Variants in BBS2 observed in about 807,000 individuals in gnomAD.
BBS2 encodes BBSome complex member BBS2.
In BBS2, 62 loss-of-function variants were observed where a neutral mutation model predicts 83.0. That is an observed-to-expected ratio of 0.75 (90% CI 0.61 to 0.92). The LOEUF (loss-of-function observed/expected upper bound fraction) is 0.92, where lower values mean the gene tolerates loss of function less well. BBS2 is among the 40% of genes least tolerant of loss of function. The pLI is 0.00. For synonymous variants in BBS2, 303 were observed against 326.1 expected, an observed-to-expected ratio of 0.93 and a Z score of 0.76; for missense variants, 784 against 901.0, an observed-to-expected ratio of 0.87 and a Z score of 1.66.
intron 15 of BBS2, among the ~76,000 whole-genome samples, chr16:56,490,918 C>T (rs1463389777): frequency 1.3e-5 from 2 of 151,866 alleles, no homozygotes; most frequent in South Asian, 2.1e-4. Flanking sequence ...CCCGCCACCA[C>T]GACCGGCTGA....
At chr16:56,477,307 C>A (rs1334814380) in intron 17 of BBS2, 3 of 152,234 alleles carry the variant, frequency 2.0e-5, no homozygotes, top group Non-Finnish European at 4.4e-5. Flanking sequence ...ATGACTCTCA[C>A]AGTACAGTGT....
intron 15 of BBS2, among the ~76,000 whole-genome samples, chr16:56,493,022 CG>C (rs1162700694): frequency 3.3e-5 from 5 of 151,854 alleles, no homozygotes; most frequent in Non-Finnish European, 7.4e-5. Context: ...ACTATGTAGC[CG>C]TAAAGACAAA....
At chr16:56,507,739 G>A (rs1251306438) in intron 5 of BBS2, among the ~76,000 whole-genome samples, 4 of 152,158 alleles carry the variant, frequency 2.6e-5, no homozygotes, top group South Asian at 4.2e-4. Context: ...AGGCTGAGGC[G>A]GGTGGATCAC....
chr16:56,490,763 C>T (rs956329635), intron 15 of BBS2, among the ~76,000 whole-genome samples: 15 of 149,544 alleles, frequency 1.0e-4, no homozygotes, highest in African/African-American at 3.2e-4. Context: ...AACAGTAAAG[C>T]AAAATTTTTT....
chr16:56,518,267 G>A (rs778887213), intron 1 of BBS2, among the ~76,000 whole-genome samples: 6 of 152,118 alleles, frequency 3.9e-5, no homozygotes, highest in Non-Finnish European at 7.3e-5. Flanking sequence ...ATACATGGAA[G>A]TGTCCTAAAA....
At chr16:56,485,416 A>G (rs1395163787) in intron 16 of BBS2, among the ~76,000 whole-genome samples, 174 bp downstream of exon 16, 1 of 152,182 alleles carries the variant, frequency 6.6e-6, no homozygotes, top group Non-Finnish European at 1.5e-5. Context: ...TCCGGAGACA[A>G]AAGCCAAACA....
intron 9 of BBS2, chr16:56,501,749 T>G: frequency 3.9e-6 from 2 of 518,360 alleles, no homozygotes; most frequent in Non-Finnish European, 6.9e-6. Flanking sequence ...CTTTAACATT[T>G]TTGAAGTATT....
chr16:56,502,909 G>C, intron 7 of BBS2, 101 bp from the exon 8 acceptor site: 1 of 1,388,004 alleles, frequency 7.2e-7, no homozygotes, highest in Non-Finnish European at 1.0e-6. Flanking sequence ...TAGTCTAGCA[G>C]TTTTCAAGAG....
At position 56,503,605 on chromosome 16, in the gene BBS2, A is replaced by G. The variant is rs562317320; in HGVS notation, c.805-797T>C. ...AAACAAATGCATCTCAAAAGTGATA[A>G]TAAGTGACCATCACTTAAAATGAAG... On this transcript the variant is annotated intron_variant, in intron 7 of 16. Transcript: ENST00000245157. Among the ~76,000 whole-genome samples, 6 of 152,356 alleles carry G rather than the reference A, an allele frequency of 3.9e-5. No individual in the cohort carries two copies. In the South Asian group the frequency reaches 1.0e-3, roughly 26 times the overall value.
intron 1 of BBS2, among the ~76,000 whole-genome samples, chr16:56,514,913 G>A (rs1482177634): frequency 6.6e-6 from 1 of 152,118 alleles, no homozygotes; most frequent in Non-Finnish European, 1.5e-5. Flanking sequence ...TAATGAACAA[G>A]ATCTAGTCAC....
intron 13 of BBS2, 89 bp downstream of exon 13, chr16:56,498,348 G>C: frequency 6.5e-7 from 1 of 1,531,216 alleles, no homozygotes; most frequent in Non-Finnish European, 9.0e-7. Flanking sequence ...CACCACATGA[G>C]AAATCTATGC....
At position 56,498,558 on chromosome 16, in the gene BBS2, CA is replaced by C; in HGVS notation, c.1537del (p.Trp513GlyfsTer34). ...TGGTAACAGAAAGTTCTGACCGAGC[CA>C]TACAACAACCTTGAAAATGAACACA... ...IAERAQRVVV[W>X]LGQNFLLPED... On this transcript the variant is annotated frameshift_variant, in exon 13 of 17. Transcript: ENST00000245157. LOFTEE classifies it high-confidence loss of function. 6.2e-7 allele frequency: 1 copy of C among 1,613,966 alleles called. No individual in the cohort carries two copies. Among genetic ancestry groups the C allele is most frequent in the Non-Finnish European group, 8.5e-7 (1 of 1,180,002 alleles).
chr16:56,500,742 C>CATTAAATGG, intron 11 of BBS2, 112 bp downstream of exon 11: 1 of 1,125,518 alleles, frequency 8.9e-7, no homozygotes, highest in Non-Finnish European at 1.3e-6. Context: ...TAGACAGAAC[C>CATTAAATGG]ATTAAATGGT....
Position 56,502,408 on chromosome 16 carries a change from T to G in BBS2, c.989A>C (p.Asp330Ala). 1 of 1,614,224 alleles carries G rather than the reference T, an allele frequency of 6.2e-7. No individual in the cohort carries two copies. The highest frequency in any genetic ancestry group is 1.1e-5 in the South Asian group (1 of 91,078). The change falls in exon 9 of 17, where the codon GAC (aspartate) becomes GCC (alanine). Residue 330 changes from aspartate to alanine, a missense_variant. Physicochemically the swap from Asp to Ala is moderately radical, Grantham distance 126. Transcript: ENST00000245157. ...GTAEMRGNLM[D>A]TSAEQDLIRE... ...GATCAGGTCCTGCTCTGCACTGGTGTCCATGAGGTTGCCCCTCATCTCAGC... is the reference window on the plus strand; with the variant it reads ...GATCAGGTCCTGCTCTGCACTGGTGGCCATGAGGTTGCCCCTCATCTCAGC...
chr16:56,502,830 A>G (rs770568575), intron 7 of BBS2, 22 bp from the exon 8 acceptor site: 25 of 1,614,144 alleles, frequency 1.5e-5, no homozygotes, highest in Non-Finnish European at 2.0e-5. Flanking sequence ...ACACAAATTT[A>G]AAAGTTGCTT....
chr16:56,513,323 T>C (rs1163548655), intron 2 of BBS2, among the ~76,000 whole-genome samples: 3 of 152,096 alleles, frequency 2.0e-5, no homozygotes, highest in African/African-American at 7.2e-5. Flanking sequence ...ACAAATTACA[T>C]TAACACAATG....
chr16:56,514,118 A>G (rs1964660430), intron 2 of BBS2, among the ~76,000 whole-genome samples: 1 of 152,242 alleles, frequency 6.6e-6, no homozygotes, highest in East Asian at 1.9e-4. Context: ...TCTACAAACT[A>G]TTGCACTAAA....
At chr16:56,475,460 T>C (rs552036944) in intron 17 of BBS2, 72 of 1,568,418 alleles carry the variant, frequency 4.6e-5, no homozygotes, top group Non-Finnish European at 6.3e-5. Context: ...ATGGTGCGAC[T>C]CTTTCAATAG....
Position 56,510,831 on chromosome 16 carries a change from C to T in BBS2, c.534+28G>A, listed in dbSNP as rs375248708. 3.2e-5 allele frequency: 52 copies of T among 1,611,066 alleles called. No homozygotes were observed. The African/African-American group carries it at 6.3e-4, about 19-fold the overall frequency. ...GGCAAAATTCATTTGGCTGAACACACAAGAGAGATATCTCCTCCCCCACAT... is the reference window on the plus strand; with the variant it reads ...GGCAAAATTCATTTGGCTGAACACATAAGAGAGATATCTCCTCCCCCACAT... On this transcript the variant is annotated intron_variant, in intron 4 of 16. Coordinates refer to ENST00000245157, the MANE Select transcript of BBS2 (RefSeq NM_031885.5).
Sources: gnomAD v4.1 joint callset for allele counts (sites outside exome capture counted in the v4.1 genomes callset) on GRCh38, gnomAD v4.1.1 for gene constraint, MANE v1.5 for transcripts, NCBI Gene and HGNC (gene_info 2026-07-23, HGNC 2026-07-21) for gene names.